The following NTRK3 variants were observed in gnomAD, a reference collection of about 807,000 sequenced individuals.
NTRK3 encodes the protein NT-3 growth factor receptor.
NTRK3 carries 24 observed loss-of-function variants against 91.7 expected under a neutral mutation model. The ratio of observed to expected loss-of-function variants is 0.26; its 90% CI spans 0.19 to 0.37. The LOEUF (loss-of-function observed/expected upper bound fraction) is 0.37, where lower values mean the gene tolerates loss of function less well. Ranked by LOEUF, NTRK3 falls within the 10% of genes least tolerant of loss-of-function variation. NTRK3 has a pLI of 1.00. For synonymous variants in NTRK3, 483 were observed against 404.0 expected (o/e 1.20, Z -2.34); for missense variants, 880 against 1,068.9 (o/e 0.82, Z 2.46).
chr15:88,068,134 C>T (rs1310941195), intron 13 of NTRK3, among the ~76,000 whole-genome samples: 3 of 152,086 alleles, frequency 2.0e-5, no homozygotes, highest in Non-Finnish European at 2.9e-5. Context: ...GGATACAGAA[C>T]ACTATTAAGG....
chr15:88,002,893 A>C (rs2076218043), intron 14 of NTRK3, among the ~76,000 whole-genome samples: 1 of 152,148 alleles, frequency 6.6e-6, no homozygotes. Context: ...AAGCCTGGGG[A>C]GTGGGGACCT....
chr15:88,066,039 T>G (rs2046622578), intron 13 of NTRK3, among the ~76,000 whole-genome samples: 1 of 152,240 alleles, frequency 6.6e-6, no homozygotes, highest in Non-Finnish European at 1.5e-5. Flanking sequence ...AAATCATGTG[T>G]AGAAGGCAAA....
intron 14 of NTRK3, among the ~76,000 whole-genome samples, chr15:87,949,651 G>A (rs887116613): frequency 1.4e-4 from 21 of 152,002 alleles, no homozygotes; most frequent in African/African-American, 2.7e-4. Context: ...ATGCTCCACC[G>A]CCATGAGCTC....
intron 14 of NTRK3, among the ~76,000 whole-genome samples, chr15:87,975,201 T>C (rs2073619331): frequency 6.6e-6 from 1 of 152,188 alleles, no homozygotes; most frequent in Non-Finnish European, 1.5e-5. Context: ...CCTCATCATG[T>C]AATGCTAGTA....
At chr15:88,216,539 G>A (rs912998092) in intron 3 of NTRK3, among the ~76,000 whole-genome samples, 1 of 152,190 alleles carries the variant, frequency 6.6e-6, no homozygotes, top group Non-Finnish European at 1.5e-5. Flanking sequence ...AATTAGCAGT[G>A]AGACCATCCC....
intron 3 of NTRK3, among the ~76,000 whole-genome samples, chr15:88,188,811 G>A (rs757948208): frequency 2.2e-4 from 33 of 152,296 alleles, no homozygotes; most frequent in Non-Finnish European, 4.1e-4. Context: ...ATGCAACAGT[G>A]GTCTCTTCTC....
intron 14 of NTRK3, among the ~76,000 whole-genome samples, chr15:88,009,012 G>GT (rs2076684883): frequency 2.0e-5 from 3 of 152,098 alleles, no homozygotes; most frequent in Admixed American, 1.3e-4. Context: ...TCCTGATTTT[G>GT]TTTTCTTTCT....
At chr15:87,911,161 T>A (rs1478226455) in intron 17 of NTRK3, among the ~76,000 whole-genome samples, 2 of 152,104 alleles carry the variant, frequency 1.3e-5, no homozygotes, top group African/African-American at 4.8e-5. Flanking sequence ...ACAGGGCAAG[T>A]GACAGGTATT....
chr15:88,131,304 T>TA (rs1300338542), intron 10 of NTRK3, among the ~76,000 whole-genome samples: 9 of 152,228 alleles, frequency 5.9e-5, no homozygotes, highest in African/African-American at 2.2e-4. Context: ...CTCACAGTCT[T>TA]AGCTCTATTA....
chr15:87,949,071 T>A (rs1253665817), intron 14 of NTRK3, among the ~76,000 whole-genome samples: 2 of 152,126 alleles, frequency 1.3e-5, no homozygotes, highest in African/African-American at 4.8e-5. Context: ...ACTAACTATA[T>A]GATGAATGGG....
intron 14 of NTRK3, among the ~76,000 whole-genome samples, chr15:88,025,527 C>T (rs2077960300): frequency 6.6e-6 from 1 of 152,120 alleles, no homozygotes; most frequent in South Asian, 2.1e-4. Context: ...GGTGTTCTTA[C>T]AAAAAGGCAG....
At chr15:88,155,481 ATTT>A (rs2043803127) in intron 5 of NTRK3, among the ~76,000 whole-genome samples, 1 of 152,228 alleles carries the variant, frequency 6.6e-6, no homozygotes, top group Non-Finnish European at 1.5e-5. Context: ...AAGGCAATAA[ATTT>A]GTGTTGTATT....
intron 5 of NTRK3, among the ~76,000 whole-genome samples, chr15:88,161,784 C>A (rs1280976112): frequency 1.3e-5 from 2 of 152,138 alleles, no homozygotes; most frequent in Non-Finnish European, 2.9e-5. Context: ...GGCAGGAGAT[C>A]CCAGCTGAAC....
intron 13 of NTRK3, among the ~76,000 whole-genome samples, chr15:88,069,196 A>G (rs905032730): frequency 7.2e-5 from 11 of 152,190 alleles, no homozygotes; most frequent in Non-Finnish European, 1.5e-4. Context: ...AAAGAGATCA[A>G]TCATAACCAC....
At chr15:88,165,482 T>G (rs959031660) in intron 5 of NTRK3, among the ~76,000 whole-genome samples, 12 of 152,174 alleles carry the variant, frequency 7.9e-5, no homozygotes, top group Non-Finnish European at 1.6e-4. Flanking sequence ...TTGCTAATCA[T>G]TTTTCCTTGC....
At chr15:88,053,402 T>G (rs1223861929) in intron 13 of NTRK3, among the ~76,000 whole-genome samples, 1 of 152,182 alleles carries the variant, frequency 6.6e-6, no homozygotes, top group Non-Finnish European at 1.5e-5. Context: ...AGAGGGTTCC[T>G]GGGACTGACA....
At chr15:87,899,693 C>CTGTTTGGG (rs1335256442) in intron 17 of NTRK3, among the ~76,000 whole-genome samples, 4 of 152,168 alleles carry the variant, frequency 2.6e-5, no homozygotes, top group Admixed American at 1.3e-4. Context: ...GTAAACAATA[C>CTGTTTGGG]ATAGCACAGC....
Position 88,241,514 on chromosome 15 carries a change from A to G in NTRK3, c.248+14392T>C, listed in dbSNP as rs185423837. On this transcript the variant is annotated intron_variant, in intron 3 of 18. Coordinates refer to ENST00000394480, the Ensembl canonical transcript of NTRK3. The surrounding 1 kb of genome is among the most constrained non-coding windows in gnomAD (Gnocchi z 4.3). ...ACTCTCCTGCCACTTCTGCTTCCCC[A>G]GGGCCCAGGGAGCTGCTCTGGGCTG... 1.3e-5 allele frequency among the ~76,000 whole-genome samples: 2 copies of G among 152,200 alleles called. No individual in the cohort carries two copies. Among genetic ancestry groups the G allele is most frequent in the African/African-American group, 4.8e-5 (2 of 41,532 alleles).
At chr15:88,171,796 C>T (rs1597741768) in intron 5 of NTRK3, among the ~76,000 whole-genome samples, 1 of 152,366 alleles carries the variant, frequency 6.6e-6, no homozygotes, top group African/African-American at 2.4e-5. Context: ...GGTGTTTTCC[C>T]TTCTTCTTTC....
Sources: gnomAD v4.1 joint callset for allele counts (sites outside exome capture counted in the v4.1 genomes callset) on GRCh38, gnomAD v4.1.1 for gene constraint, Gnocchi (gnomAD v3.1) non-coding constraint, MANE v1.5 for transcripts, NCBI Gene and HGNC (gene_info 2026-07-23, HGNC 2026-07-21) for gene names.